SAMMSON: variants seen among roughly 807,000 people sequenced by gnomAD.
SAMMSON encodes the protein survival associated mitochondrial melanoma specific oncogenic non-coding RNA, also known as long intergenic non-protein coding RNA 1212.
intron 3 of SAMMSON, among the ~76,000 whole-genome samples, chr3:70,016,307 A>T (rs2066985004): frequency 6.6e-6 from 1 of 152,126 alleles, no homozygotes. Context: ...CATTTCTCTG[A>T]TGGCCAGTGA....
At chr3:70,105,087 A>AT (rs967118029) in intron 4 of SAMMSON, among the ~76,000 whole-genome samples, 21 of 150,584 alleles carry the variant, frequency 1.4e-4, no homozygotes, top group African/African-American at 3.9e-4. Context: ...TCAGGGAGAG[A>AT]TTTTTTTTTT....
intron 4 of SAMMSON, chr3:70,126,507 C>G (rs942110244): frequency 1.6e-6 from 1 of 622,214 alleles, no homozygotes; most frequent in Non-Finnish European, 3.0e-6. Context: ...GTCAGCTCAG[C>G]TGGCAGGTGC....
At chr3:70,256,032 C>T (rs934478280) in intron 6 of SAMMSON, among the ~76,000 whole-genome samples, 2 of 152,106 alleles carry the variant, frequency 1.3e-5, no homozygotes, top group African/African-American at 4.8e-5. Flanking sequence ...GTAATAGTAC[C>T]ACCCCAAATT....
intron 4 of SAMMSON, among the ~76,000 whole-genome samples, chr3:70,134,572 T>C (rs1288036726): frequency 6.6e-6 from 1 of 152,108 alleles, no homozygotes; most frequent in East Asian, 1.9e-4. Flanking sequence ...ATGCTTTACA[T>C]AGAAGCATAG....
At chr3:70,334,840 C>CCCATGTT (rs1348679106) in intron 7 of SAMMSON, among the ~76,000 whole-genome samples, 16 of 152,062 alleles carry the variant, frequency 1.1e-4, no homozygotes, top group Admixed American at 9.2e-4. Flanking sequence ...CATCTCAATT[C>CCCATGTT]CCATGTTCCT....
Position 70,313,981 on chromosome 3 carries a change from G to A in SAMMSON, n.739+22738G>A, listed in dbSNP as rs182231643. Among the ~76,000 whole-genome samples the A allele has an allele frequency of 1.3e-3, 200 of 152,232 alleles. 2 individuals carry two copies. The East Asian group carries it at 0.029, about 22-fold the overall frequency. Reference sequence around the variant, plus strand: ...AATTGCATTGTGGCTGTTCCTTGGAGGGACTTGCTTCTGTTATCAATACTC... The same window carrying A: ...AATTGCATTGTGGCTGTTCCTTGGAAGGACTTGCTTCTGTTATCAATACTC... On this transcript the variant is annotated intron_variant and non_coding_transcript_variant, in intron 7 of 9. Transcript: ENST00000642114.
intron 6 of SAMMSON, among the ~76,000 whole-genome samples, chr3:70,290,984 G>A (rs894861955): frequency 2.0e-4 from 31 of 152,232 alleles, no homozygotes; most frequent in Middle Eastern, 3.4e-3. Flanking sequence ...AGATGAACCC[G>A]GTACCTCAGA....
chr3:70,124,523 G>A (rs534056071), intron 4 of SAMMSON, among the ~76,000 whole-genome samples: 1 of 152,148 alleles, frequency 6.6e-6, no homozygotes, highest in South Asian at 2.1e-4. Context: ...TTAAAATACT[G>A]TACCTGTGGC....
intron 9 of SAMMSON, among the ~76,000 whole-genome samples, chr3:70,366,493 T>TTTTG (rs1553659159): frequency 2.3e-4 from 3 of 13,154 alleles, no homozygotes; most frequent in Non-Finnish European, 4.9e-4. Context: ...TGTTTTTATG[T>TTTTG]TTTTTTTTTT....
At position 70,152,203 on chromosome 3, in the gene SAMMSON, T is replaced by G. The variant is rs113159434; in HGVS notation, n.507+80638T>G. Among the ~76,000 whole-genome samples the G allele has an allele frequency of 7.7e-3, 1,167 of 152,110 alleles. 9 individuals carry two copies. The highest frequency in any genetic ancestry group is 0.026 in the African/African-American group (1,089 of 41,536). ...TATTACTCTATTGAAATTGAACACT[T>G]GATTTGCGATACCATGAAAAAAAAT... is the stretch of plus-strand genomic sequence containing the variant. On this transcript the variant is annotated intron_variant and non_coding_transcript_variant, in intron 4 of 9. Coordinates refer to ENST00000642114, the Ensembl canonical transcript of SAMMSON.
chr3:70,311,096 A>G (rs992173737), intron 7 of SAMMSON, among the ~76,000 whole-genome samples: 1 of 152,232 alleles, frequency 6.6e-6, no homozygotes, highest in Non-Finnish European at 1.5e-5. Context: ...TTAACATGAC[A>G]TATTTATTAG....
At chr3:70,080,011 G>C (rs2067262314) in intron 4 of SAMMSON, among the ~76,000 whole-genome samples, 1 of 152,214 alleles carries the variant, frequency 6.6e-6, no homozygotes. Flanking sequence ...TGCCTCTCTT[G>C]CCATGGTTTA....
At chr3:70,322,221 A>G (rs1220278396) in intron 7 of SAMMSON, among the ~76,000 whole-genome samples, 1 of 152,166 alleles carries the variant, frequency 6.6e-6, no homozygotes, top group Non-Finnish European at 1.5e-5. Flanking sequence ...TGAAATAATT[A>G]TGTAAACTAA....
At chr3:70,223,714 C>T (rs953377384) in intron 4 of SAMMSON, among the ~76,000 whole-genome samples, 1 of 152,128 alleles carries the variant, frequency 6.6e-6, no homozygotes, top group African/African-American at 2.4e-5. Context: ...TTAAGAGCAT[C>T]CTAGAACAGG....
chr3:70,068,796 T>C (rs1265329510), intron 3 of SAMMSON: 1 of 152,130 alleles, frequency 6.6e-6, no homozygotes, highest in Non-Finnish European at 1.5e-5. Flanking sequence ...AAACCAGCTA[T>C]GTCCTGAATA....
At chr3:70,180,231 G>A (rs533255119) in intron 4 of SAMMSON, among the ~76,000 whole-genome samples, 5 of 152,144 alleles carry the variant, frequency 3.3e-5, no homozygotes, top group Admixed American at 1.3e-4. Flanking sequence ...GATAAAATGA[G>A]TATAGTAATA....
chr3:70,107,032 G>A (rs1012101554), intron 4 of SAMMSON, among the ~76,000 whole-genome samples: 4 of 152,172 alleles, frequency 2.6e-5, no homozygotes, highest in African/African-American at 7.2e-5. Flanking sequence ...GACACCCAGT[G>A]TATGTAATGC....
At chr3:70,169,690 G>T (rs1289101641) in intron 4 of SAMMSON, among the ~76,000 whole-genome samples, 1 of 146,534 alleles carries the variant, frequency 6.8e-6, no homozygotes, top group Non-Finnish European at 1.5e-5. Flanking sequence ...TTGCTCCCCA[G>T]AACAGTCTTT....
At chr3:70,070,963 C>A (rs2067227052) in intron 3 of SAMMSON, among the ~76,000 whole-genome samples, 2 of 151,944 alleles carry the variant, frequency 1.3e-5, no homozygotes, top group Admixed American at 1.3e-4. Context: ...TGAAAACATA[C>A]CCTCTAGTCA....
Sources: allele counts gnomAD v4.1 joint callset (sites outside exome capture counted in the v4.1 genomes callset), GRCh38; gene constraint gnomAD v4.1.1; transcripts MANE v1.5; gene names NCBI Gene and HGNC (gene_info 2026-07-23, HGNC 2026-07-21).